The following NRXN3 variants were observed in gnomAD, a reference collection of about 807,000 sequenced individuals.
The protein encoded by NRXN3 is neurexin 3.
NRXN3 carries 32 observed loss-of-function variants against 137.6 expected under a neutral mutation model. The ratio of observed to expected loss-of-function variants is 0.23; its 90% CI spans 0.18 to 0.31. The LOEUF is 0.31. Ranked by LOEUF, NRXN3 falls within the 10% of genes least tolerant of loss-of-function variation. The pLI is 1.00. For synonymous variants in NRXN3, 798 were observed against 784.5 expected, an observed-to-expected ratio of 1.02 and a Z score of -0.29; for missense variants, 1,574 against 2,062.5, an observed-to-expected ratio of 0.76 and a Z score of 4.59.
chr14:79,488,405 A>G (rs146209807), intron 16 of NRXN3, among the ~76,000 whole-genome samples: 117 of 152,318 alleles, frequency 7.7e-4, no homozygotes, highest in African/African-American at 2.7e-3. Context: ...CCAAGGTAGT[A>G]GGGTGGCAAC....
At chr14:79,816,344 G>C (rs1354155378) in intron 20 of NRXN3, among the ~76,000 whole-genome samples, 1 of 152,184 alleles carries the variant, frequency 6.6e-6, no homozygotes, top group Non-Finnish European at 1.5e-5. Context: ...CATGACTCGG[G>C]TTTCCCTATT....
chr14:78,842,046 T>G (rs2099013938), intron 10 of NRXN3, among the ~76,000 whole-genome samples: 1 of 152,160 alleles, frequency 6.6e-6, no homozygotes, highest in Admixed American at 6.6e-5. Flanking sequence ...ATCCTTTGCC[T>G]TGGGAATCAA....
chr14:78,380,270 C>T (rs774636254), intron 4 of NRXN3, among the ~76,000 whole-genome samples: 5 of 136,640 alleles, frequency 3.7e-5, no homozygotes, highest in Admixed American at 8.1e-5. Context: ...CACTGCAGTC[C>T]GCAGTCCGGC....
chr14:79,648,585 A>T (rs2153968541), intron 16 of NRXN3, among the ~76,000 whole-genome samples: 1 of 135,438 alleles, frequency 7.4e-6, no homozygotes, highest in Non-Finnish European at 1.7e-5. Flanking sequence ...AAAAATAATT[A>T]ACAAACAAAA....
At chr14:79,223,017 C>T (rs1597449430) in intron 15 of NRXN3, among the ~76,000 whole-genome samples, 2 of 152,066 alleles carry the variant, frequency 1.3e-5, no homozygotes, top group Admixed American at 6.6e-5. Flanking sequence ...TAGAATTAGA[C>T]AACAATGAAA....
intron 19 of NRXN3, among the ~76,000 whole-genome samples, chr14:79,723,153 G>A (rs2098852610): frequency 6.6e-6 from 1 of 152,092 alleles, no homozygotes; most frequent in African/African-American, 2.4e-5. Flanking sequence ...ATAGTAGCTT[G>A]GAGGAAATAC....
At chr14:79,750,006 T>C (rs2154087942) in intron 19 of NRXN3, among the ~76,000 whole-genome samples, 1 of 152,286 alleles carries the variant, frequency 6.6e-6, no homozygotes, top group Admixed American at 6.5e-5. Context: ...TGCTTTCAGA[T>C]AATTTTGATG....
chr14:78,354,543 A>C (rs2083995729), intron 4 of NRXN3, among the ~76,000 whole-genome samples: 1 of 152,174 alleles, frequency 6.6e-6, no homozygotes, highest in Non-Finnish European at 1.5e-5. Context: ...ACTCAGTCCT[A>C]AGACAGATAC....
chr14:79,859,174 A>G (rs2141914729), intron 20 of NRXN3, among the ~76,000 whole-genome samples: 1 of 152,238 alleles, frequency 6.6e-6, no homozygotes, highest in Non-Finnish European at 1.5e-5. Context: ...TCATAGTAAA[A>G]TTATCACATA....
chr14:78,571,642 G>T (rs2096890355), intron 4 of NRXN3, among the ~76,000 whole-genome samples: 1 of 152,030 alleles, frequency 6.6e-6, no homozygotes, highest in African/African-American at 2.4e-5. Flanking sequence ...TTTGATTTTG[G>T]TGTTGAAAAA....
intron 2 of NRXN3, among the ~76,000 whole-genome samples, chr14:78,267,549 T>G (rs1397986004): frequency 6.6e-6 from 1 of 152,170 alleles, no homozygotes; most frequent in African/African-American, 2.4e-5. Flanking sequence ...AAAAAAAATG[T>G]TAGCCAGGCA....
intron 16 of NRXN3, among the ~76,000 whole-genome samples, chr14:79,487,623 G>A (rs1041260760): frequency 6.8e-6 from 1 of 146,090 alleles, no homozygotes; most frequent in African/African-American, 2.7e-5. Context: ...CCCTCCAGAA[G>A]TCTACCCAGC....
At position 79,832,012 on chromosome 14, in the gene NRXN3, C is replaced by T. The variant is rs539972467; in HGVS notation, c.4093+26822C>T. 5.3e-5 allele frequency among the ~76,000 whole-genome samples: 8 copies of T among 152,194 alleles called. No individual in the cohort carries two copies. The East Asian group carries it at 5.8e-4, about 11-fold the overall frequency. ...AATTGATTTCAGGACACCCCCTCGC[C>T]GCCCTGATACCAAAATCTGCAGACG... On this transcript the variant is annotated intron_variant, in intron 20 of 20. Transcript: ENST00000335750.
At chr14:79,457,252 C>T (rs960477519) in intron 15 of NRXN3, among the ~76,000 whole-genome samples, 4 of 152,004 alleles carry the variant, frequency 2.6e-5, no homozygotes, top group Admixed American at 1.3e-4. Context: ...GGATGTGCTG[C>T]GCCGATAGAA....
At chr14:79,004,513 G>A (rs1273747907) in intron 15 of NRXN3, among the ~76,000 whole-genome samples, 1 of 152,168 alleles carries the variant, frequency 6.6e-6, no homozygotes, top group East Asian at 1.9e-4. Context: ...CAAAGTGCTG[G>A]GATTACAGGT....
chr14:79,769,016 G>A (rs540291668), intron 19 of NRXN3, among the ~76,000 whole-genome samples: 39 of 151,882 alleles, frequency 2.6e-4, no homozygotes, highest in African/African-American at 8.9e-4. Context: ...TGGAAGAAAG[G>A]GTATCAGCAA....
chr14:78,569,530 G>GTCCAGAACTCCTAGACTCAAGCGATC lies in NRXN3; in HGVS notation c.758-75590_758-75589insTCCAGAACTCCTAGACTCAAGCGATC, dbSNP rs1335680136. Among the ~76,000 whole-genome samples the GTCCAGAACTCCTAGACTCAAGCGATC allele has an allele frequency of 3.3e-5, 5 of 151,672 alleles. No individual in the cohort carries two copies. In the Admixed American group the frequency reaches 3.3e-4, roughly 10 times the overall value. ...TCCACCCATCTCGGCCTCCCAAAGTGCTGGGATTACAGGGGTGAGCCACCG... is the reference window on the plus strand; with the variant it reads ...TCCACCCATCTCGGCCTCCCAAAGTGTCCAGAACTCCTAGACTCAAGCGATCCTGGGATTACAGGGGTGAGCCACCG... On this transcript the variant is annotated intron_variant, in intron 4 of 20. Coordinates refer to ENST00000335750, the MANE Select transcript of NRXN3 (RefSeq NM_001330195.2).
chr14:79,100,444 G>T (rs568527125), intron 15 of NRXN3, among the ~76,000 whole-genome samples: 1 of 152,124 alleles, frequency 6.6e-6, no homozygotes, highest in African/African-American at 2.4e-5. Context: ...TTGTTGGCAC[G>T]GTGTGCCCTT....
At chr14:78,834,225 G>C (rs112818168) in intron 10 of NRXN3, among the ~76,000 whole-genome samples, 21 of 152,268 alleles carry the variant, frequency 1.4e-4, no homozygotes, top group African/African-American at 4.8e-4. Flanking sequence ...ATAAATAAAT[G>C]AGTGATGTGA....
Sources: allele counts gnomAD v4.1 joint callset (sites outside exome capture counted in the v4.1 genomes callset), GRCh38; gene constraint gnomAD v4.1.1; transcripts MANE v1.5; gene names NCBI Gene and HGNC (gene_info 2026-07-23, HGNC 2026-07-21).